Variants in CASR observed in about 807,000 individuals in gnomAD.
CASR encodes extracellular calcium-sensing receptor.
CASR carries 23 observed loss-of-function variants against 69.1 expected under a neutral mutation model. The ratio of observed to expected loss-of-function variants is 0.33; its 90% CI spans 0.24 to 0.47. The LOEUF (loss-of-function observed/expected upper bound fraction) is 0.47, where lower values mean the gene tolerates loss of function less well. Ranked by LOEUF, CASR falls within the 20% of genes least tolerant of loss-of-function variation. CASR has a pLI of 1.00. For missense variants in CASR, 924 were observed against 1,356.1 expected (o/e 0.68, Z 5.00); for synonymous variants, 541 against 544.7 (o/e 0.99, Z 0.10).
At position 122,284,936 on chromosome 3, in the gene CASR, C is replaced by G. The variant is rs2107651645; in HGVS notation, c.2982C>G (p.His994Gln). The change falls in exon 7 of 7, where the codon CAC (histidine) becomes CAG (glutamine). Residue 994 changes from histidine (H) to glutamine (Q), a missense_variant. By Grantham distance (24) the His-to-Gln change is conservative. Coordinates refer to ENST00000639785, the MANE Select transcript of CASR (RefSeq NM_000388.4). ...KNAMAHRNST[H>Q]QNSLEAQKSS... ...CCATGGCCCACAGGAATTCTACGCA[C>G]CAGAACTCCCTGGAGGCCCAGAAAA... The G allele has an allele frequency of 6.2e-7, 1 of 1,614,172 alleles. No homozygotes were observed. Among genetic ancestry groups the G allele is most frequent in the East Asian group, 2.2e-5 (1 of 44,882 alleles).
At chr3:122,193,204 GTGTTTGTT>G (rs35728846) in intron 1 of CASR, among the ~76,000 whole-genome samples, 45 of 140,450 alleles carry the variant, frequency 3.2e-4, no homozygotes, top group African/African-American at 8.9e-4. Flanking sequence ...TTTTTTGTTT[GTGTTTGTT>G]TGTTTGTTTG....
intron 1 of CASR, among the ~76,000 whole-genome samples, chr3:122,196,904 A>G (rs542200352): frequency 7.2e-5 from 11 of 152,342 alleles, no homozygotes; most frequent in East Asian, 3.9e-4. Flanking sequence ...AATGATTACT[A>G]TAATCAAGCT....
intron 1 of CASR, among the ~76,000 whole-genome samples, chr3:122,204,177 T>G (rs1419333782): frequency 6.6e-6 from 1 of 152,178 alleles, no homozygotes; most frequent in East Asian, 1.9e-4. Context: ...TGCTGATCTA[T>G]CTAAACACTG....
At chr3:122,229,754 C>T (rs1162507243) in intron 1 of CASR, among the ~76,000 whole-genome samples, 1 of 151,462 alleles carries the variant, frequency 6.6e-6, no homozygotes, top group Admixed American at 6.6e-5. Flanking sequence ...CTCAGCTACT[C>T]GGGAGGCTGA....
At chr3:122,280,184 TA>T (rs549201560) in intron 5 of CASR, among the ~76,000 whole-genome samples, 3 of 152,272 alleles carry the variant, frequency 2.0e-5, no homozygotes, top group African/African-American at 7.2e-5. Context: ...AAACTCTAAA[TA>T]AACTAGGTGT....
At chr3:122,276,293 C>A (rs2074819870) in intron 5 of CASR, among the ~76,000 whole-genome samples, 1 of 152,216 alleles carries the variant, frequency 6.6e-6, no homozygotes, top group Non-Finnish European at 1.5e-5. Flanking sequence ...ACAAATATGA[C>A]TCCCTAGCTA....
At chr3:122,270,650 A>C (rs1434890945) in intron 4 of CASR, among the ~76,000 whole-genome samples, 1 of 152,206 alleles carries the variant, frequency 6.6e-6, no homozygotes, top group African/African-American at 2.4e-5. Flanking sequence ...TATAAATTTC[A>C]CTATAAATAT....
chr3:122,274,542 T>C (rs770736765), intron 4 of CASR, among the ~76,000 whole-genome samples: 2 of 152,180 alleles, frequency 1.3e-5, no homozygotes, highest in African/African-American at 2.4e-5. Flanking sequence ...GGCCATTCAT[T>C]AGATGGACTC....
chr3:122,225,048 C>G (rs1397795569), intron 1 of CASR, among the ~76,000 whole-genome samples: 1 of 152,080 alleles, frequency 6.6e-6, no homozygotes, highest in Non-Finnish European at 1.5e-5. Flanking sequence ...CTTCCTTTCA[C>G]CATATACAAA....
chr3:122,207,401 AATAG>A (rs2074017964), intron 1 of CASR, among the ~76,000 whole-genome samples: 1 of 152,124 alleles, frequency 6.6e-6, no homozygotes. Context: ...ACATTCTCCA[AATAG>A]ACCATATCTT....
intron 1 of CASR, among the ~76,000 whole-genome samples, chr3:122,223,450 A>C (rs539748457): frequency 1.3e-5 from 2 of 152,176 alleles, no homozygotes; most frequent in African/African-American, 4.8e-5. Flanking sequence ...AAAACCTAGA[A>C]GAAATGGATA....
In CASR at chr3:122,284,310, A is replaced by G. The variant is rs371882068; in HGVS notation, c.2356A>G (p.Ile786Val). Residue 786 changes from isoleucine (I) to valine (V), a missense_variant, in exon 7 of 7, where the codon ATC (isoleucine) becomes GTC (valine). Ile to Val is a conservative substitution (Grantham distance 29). Transcript: ENST00000639785. ...LIGYTCLLAAICFFFAFKSRK... is the reference protein window; with the variant it reads ...LIGYTCLLAAVCFFFAFKSRK... ...CGGCTACACCTGCCTGCTGGCTGCC[A>G]TCTGCTTCTTCTTTGCCTTCAAGTC... 9.3e-6 allele frequency: 15 copies of G among 1,614,006 alleles called. No homozygotes were observed. The African/African-American group carries it at 2.0e-4, about 22-fold the overall frequency.
chr3:122,289,920 T>TA lies in CASR; in HGVS notation c.*4741dup, dbSNP rs35779912. 14 of 148,022 alleles carry TA rather than the reference T, an allele frequency of 9.5e-5. No individual in the cohort carries two copies. Among genetic ancestry groups the TA allele is most frequent in the African/African-American group, 2.5e-4 (10 of 40,308 alleles). The allele number at this position is 148,022 out of a possible 1,614,324, so 9.2% of individuals were successfully genotyped here. A position where few individuals can be genotyped will look rare whatever the true frequency, so the allele number is the denominator to read the frequency against. On this transcript the variant is annotated 3_prime_UTR_variant, in exon 7 of 7. Transcript: ENST00000639785. ...GGCAAAACCCCATCTCTACAAACAA[T>TA]AAAAAAAAAAAACAGCTGGACATGG...
At chr3:122,254,531 C>T (rs1307042685) in intron 2 of CASR, among the ~76,000 whole-genome samples, 157 bp downstream of exon 2, 1 of 152,140 alleles carries the variant, frequency 6.6e-6, no homozygotes, top group African/African-American at 2.4e-5. Context: ...CCACAACCTG[C>T]CTTTTTTTTC....
intron 1 of CASR, among the ~76,000 whole-genome samples, chr3:122,231,604 C>G (rs989107675): frequency 6.6e-6 from 1 of 152,156 alleles, no homozygotes; most frequent in Admixed American, 6.5e-5. Flanking sequence ...TTCTCTATCT[C>G]TCTGTAATCT....
intron 5 of CASR, among the ~76,000 whole-genome samples, chr3:122,280,551 T>C (rs2074876410): frequency 6.6e-6 from 1 of 152,162 alleles, no homozygotes. Flanking sequence ...CTTGTCACCA[T>C]AGTTGAAGAT....
chr3:122,187,070 A>G (rs1464072943), intron 1 of CASR, among the ~76,000 whole-genome samples: 2 of 152,240 alleles, frequency 1.3e-5, no homozygotes, highest in Admixed American at 1.3e-4. Context: ...AAATGTGTGC[A>G]TTGCAGTTCA....
rs2073742994 is a variant in CASR, at chr3:122,183,682, G to T, written c.-373G>T. On this transcript the variant is annotated 5_prime_UTR_variant, in exon 1 of 7. Coordinates refer to ENST00000639785, the MANE Select transcript of CASR (RefSeq NM_000388.4). Reference sequence around the variant, plus strand: ...TGGAGTCGGGTAGAGTAGACCAAGTGCAACAGGCACCTGGCTGCAGCCAGG... The same window carrying T: ...TGGAGTCGGGTAGAGTAGACCAAGTTCAACAGGCACCTGGCTGCAGCCAGG... 3 of 152,218 alleles carry T rather than the reference G, an allele frequency of 2.0e-5. No individual in the cohort carries two copies. Among genetic ancestry groups the T allele is most frequent in the Non-Finnish European group, 4.4e-5 (3 of 68,054 alleles). 9.4% of individuals were successfully genotyped at this position (152,218 alleles called of 1,614,324 possible).
chr3:122,199,760 G>A (rs543192754), intron 1 of CASR, among the ~76,000 whole-genome samples: 1 of 152,128 alleles, frequency 6.6e-6, no homozygotes, highest in Non-Finnish European at 1.5e-5. Context: ...ATAACCAGAA[G>A]TTGGTTAAGG....
Sources: gnomAD v4.1 joint callset for allele counts (sites outside exome capture counted in the v4.1 genomes callset) on GRCh38, gnomAD v4.1.1 for gene constraint, MANE v1.5 for transcripts, NCBI Gene and HGNC (gene_info 2026-07-23, HGNC 2026-07-21) for gene names.